Variants in C9orf85 observed in about 807,000 individuals in gnomAD.
The protein encoded by C9orf85 is uncharacterized protein C9orf85.
C9orf85 carries 16 observed loss-of-function variants against 14.9 expected under a neutral mutation model. The observed-to-expected ratio is 1.08, with a 90% CI of 0.73 to 1.63. C9orf85 has a LOEUF of 1.63. C9orf85 is among the 40% of genes most tolerant of loss of function. The pLI is 0.00. For synonymous variants in C9orf85, 45 were observed against 56.8 expected, an observed-to-expected ratio of 0.79 and a Z score of 0.93; for missense variants, 172 against 186.1, an observed-to-expected ratio of 0.92 and a Z score of 0.44.
intron 2 of C9orf85, among the ~76,000 whole-genome samples, chr9:71,963,195 T>C (rs1286105949): frequency 6.6e-6 from 1 of 152,252 alleles, no homozygotes; most frequent in East Asian, 1.9e-4. Flanking sequence ...TTGTTCATGC[T>C]AAGCTGCCAG....
At chr9:71,968,737 C>A (rs537347794) in intron 2 of C9orf85, among the ~76,000 whole-genome samples, 1 of 152,076 alleles carries the variant, frequency 6.6e-6, no homozygotes, top group African/African-American at 2.4e-5. Context: ...GTGTGTCTCG[C>A]GGATGGAGCA....
chr9:71,975,265 A>G (rs1822978668), downstream of C9orf85, among the ~76,000 whole-genome samples: 1 of 152,002 alleles, frequency 6.6e-6, no homozygotes, highest in Non-Finnish European at 1.5e-5. Context: ...CCTGCCCAAC[A>G]TGGTGAAACC....
intron 2 of C9orf85, among the ~76,000 whole-genome samples, chr9:71,952,531 A>ATTTTTT (rs1384399239): frequency 2.6e-5 from 4 of 151,612 alleles, no homozygotes; most frequent in African/African-American, 9.7e-5. Context: ...CACCCGGCTA[A>ATTTTTT]TTTTTTTTGT....
chr9:71,964,760 C>G (rs772858426), intron 2 of C9orf85, among the ~76,000 whole-genome samples: 11 of 152,160 alleles, frequency 7.2e-5, no homozygotes, highest in Non-Finnish European at 1.3e-4. Context: ...GTTCTCTGAC[C>G]TGGGGTGCTT....
chr9:71,926,120 G>C (rs1564084242), intron 1 of C9orf85, among the ~76,000 whole-genome samples: 1 of 152,136 alleles, frequency 6.6e-6, no homozygotes, highest in Non-Finnish European at 1.5e-5. Context: ...ACAGAGCCAG[G>C]GATTGTATAA....
intron 3 of C9orf85, among the ~76,000 whole-genome samples, chr9:71,972,278 A>G (rs1822896205): frequency 6.7e-6 from 1 of 150,270 alleles, no homozygotes; most frequent in African/African-American, 2.4e-5. Flanking sequence ...TTTTTTTTTG[A>G]GAAGGAGTTT....
chr9:71,964,400 T>G (rs1822626359), intron 2 of C9orf85, among the ~76,000 whole-genome samples: 2 of 152,020 alleles, frequency 1.3e-5, no homozygotes, highest in Non-Finnish European at 2.9e-5. Context: ...CTGCTCACTC[T>G]TTGGGTCTAC....
intron 1 of C9orf85, among the ~76,000 whole-genome samples, chr9:71,922,301 G>T (rs1827830685): frequency 6.6e-6 from 1 of 152,014 alleles, no homozygotes; most frequent in African/African-American, 2.4e-5. Flanking sequence ...TATTTGGTTT[G>T]TACATACCCT....
intron 2 of C9orf85, among the ~76,000 whole-genome samples, chr9:71,947,324 T>C (rs1006431911): frequency 8.5e-5 from 13 of 152,306 alleles, no homozygotes; most frequent in African/African-American, 3.1e-4. Context: ...TCCTGCCCCA[T>C]TCTTTCATAA....
intron 1 of C9orf85, among the ~76,000 whole-genome samples, chr9:71,935,816 T>C (rs1394160121): frequency 6.6e-6 from 1 of 152,110 alleles, no homozygotes. Context: ...GTGATGGTTG[T>C]ACAATATGAA....
chr9:71,920,491 T>C (rs1827769683), intron 1 of C9orf85, among the ~76,000 whole-genome samples: 1 of 152,200 alleles, frequency 6.6e-6, no homozygotes, highest in Non-Finnish European at 1.5e-5. Flanking sequence ...AAATGGGCCA[T>C]TTTCCTTTTA....
chr9:71,935,850 A>C (rs1828175728), intron 1 of C9orf85, among the ~76,000 whole-genome samples: 1 of 152,096 alleles, frequency 6.6e-6, no homozygotes, highest in African/African-American at 2.4e-5. Context: ...ACTCAACTAT[A>C]CACATAAAAA....
At chr9:71,980,022 T>A (rs1420177365) in intron 3 of C9orf85, among the ~76,000 whole-genome samples, 1 of 150,370 alleles carries the variant, frequency 6.7e-6, no homozygotes, top group East Asian at 1.9e-4. Flanking sequence ...TTTTCTTTTT[T>A]TTTTTTTTTG....
chr9:71,913,318 G>A (rs1827563460), intron 1 of C9orf85, among the ~76,000 whole-genome samples: 1 of 152,090 alleles, frequency 6.6e-6, no homozygotes, highest in Admixed American at 6.6e-5. Context: ...CGTGTGCAAG[G>A]CCCTGTGTTC....
chr9:71,912,195 C>T (rs2132233341), intron 1 of C9orf85, among the ~76,000 whole-genome samples: 1 of 152,128 alleles, frequency 6.6e-6, no homozygotes, highest in Non-Finnish European at 1.5e-5. Flanking sequence ...AAATTTTACA[C>T]CAAGTTTATG....
At chr9:71,981,217 C>T (rs1823090002) in intron 3 of C9orf85, among the ~76,000 whole-genome samples, 1 of 152,180 alleles carries the variant, frequency 6.6e-6, no homozygotes. Flanking sequence ...AGAGACAAAT[C>T]AGGAATCCAC....
chr9:71,943,441 A>G (rs1821993896), intron 1 of C9orf85, among the ~76,000 whole-genome samples: 1 of 152,084 alleles, frequency 6.6e-6, no homozygotes, highest in Non-Finnish European at 1.5e-5. Context: ...TTTATAAAAT[A>G]TTTTTCAGCA....
In C9orf85 at chr9:71,949,656, C is replaced by T. The variant is rs188720755; in HGVS notation, c.209+2544C>T. On this transcript the variant is annotated intron_variant, in intron 2 of 3. Transcript: ENST00000334731. ...TGACACCAAAGCCTTCATAAGGAAA[C>T]AAAGACCCAAAGAAATGGGTAAACC... 6.6e-5 allele frequency among the ~76,000 whole-genome samples: 10 copies of T among 152,128 alleles called. No individual in the cohort carries two copies. The East Asian group carries it at 1.9e-3, about 29-fold the overall frequency.
At chr9:71,946,869 C>T (rs1303914620) in intron 1 of C9orf85, 137 bp from the exon 2 acceptor site, 7 of 503,458 alleles carry the variant, frequency 1.4e-5, no homozygotes, top group Non-Finnish European at 2.1e-5. Context: ...CATAAAAATA[C>T]ATAATATATC....
Sources: allele counts gnomAD v4.1 joint callset (sites outside exome capture counted in the v4.1 genomes callset), GRCh38; gene constraint gnomAD v4.1.1; transcripts MANE v1.5; gene names NCBI Gene and HGNC (gene_info 2026-07-23, HGNC 2026-07-21).